The following PGAP4 variants were observed in gnomAD, a reference collection of about 807,000 sequenced individuals.
PGAP4 encodes post-GPI attachment to proteins GalNAc transferase 4, also known as GPI-N-acetylgalactosamine transferase PGAP4.
PGAP4 carries 12 observed loss-of-function variants against 28.2 expected under a neutral mutation model. The ratio of observed to expected loss-of-function variants is 0.42; its 90% CI spans 0.27 to 0.69. The LOEUF (loss-of-function observed/expected upper bound fraction) is 0.69, where lower values mean the gene tolerates loss of function less well. PGAP4 is among the 30% of genes least tolerant of loss of function. The pLI is 0.22. For synonymous variants in PGAP4, 205 were observed against 211.8 expected (o/e 0.97, Z 0.28); for missense variants, 425 against 513.5 (o/e 0.83, Z 1.67).
At position 101,475,909 on chromosome 9, in the gene PGAP4, C is replaced by G; in HGVS notation, c.1184G>C (p.Arg395Pro). The part of the protein sequence containing the change: ...VKHIGLFSSL[R>P]YNFHPSLL The stretch of plus-strand genomic sequence containing the variant: ...GAGGAGACTGGGATGAAAGTTGTAC[C>G]GGAGACTGGAGAAGAGCCCGATGTG... Residue 395 changes from arginine (R) to proline (P), a missense_variant, in exon 2 of 2, where the codon CGG becomes CCG. Arg to Pro is a moderately radical substitution (Grantham distance 103, BLOSUM62 -2). Transcript: ENST00000374848. 6.2e-7 allele frequency: 1 copy of G among 1,614,014 alleles called. No individual in the cohort carries two copies. The highest frequency in any genetic ancestry group is 8.5e-7 in the Non-Finnish European group (1 of 1,179,966).
At chr9:101,480,935 A>G (rs145261689) in intron 1 of PGAP4, among the ~76,000 whole-genome samples, 2,166 of 152,272 alleles carry the variant, frequency 0.014, 44 homozygotes, top group African/African-American at 0.048. Context: ...CCAGCACTTT[A>G]GGAGGCTGAG....
At chr9:101,525,192 G>A (rs1360822926) in intron 2 of PGAP4, among the ~76,000 whole-genome samples, 1 of 152,202 alleles carries the variant, frequency 6.6e-6, no homozygotes, top group African/African-American at 2.4e-5. Context: ...TCTCCAAACT[G>A]CTTTCTAAAG....
intron 2 of PGAP4, among the ~76,000 whole-genome samples, chr9:101,496,454 T>A: frequency 6.6e-6 from 1 of 151,576 alleles, no homozygotes; most frequent in East Asian, 1.9e-4. Flanking sequence ...TAAGAGCAAA[T>A]TAATATTTTA....
At chr9:101,493,121 GCAGGCGCTCGT>G (rs539497836) in intron 2 of PGAP4, among the ~76,000 whole-genome samples, 86 of 152,018 alleles carry the variant, frequency 5.7e-4, no homozygotes, top group African/African-American at 2.0e-3. Flanking sequence ...GGGTGTGGTG[GCAGGCGCTCGT>G]AGTCCCAGCT....
chr9:101,527,093 G>C (rs986218244), intron 2 of PGAP4, among the ~76,000 whole-genome samples: 1 of 152,218 alleles, frequency 6.6e-6, no homozygotes, highest in African/African-American at 2.4e-5. Flanking sequence ...GTTTCCTGAA[G>C]TTGTGACAGT....
In PGAP4 at chr9:101,475,968, C is replaced by T. The variant is rs765486727; in HGVS notation, c.1125G>A (p.Glu375=). The change falls in exon 2 of 2, where the codon GAG becomes GAA. Residue 375 remains glutamate, a synonymous_variant. Transcript: ENST00000374848. ...GGTTCGGCTCCACTACATAGGCCCT[C>T]TCTCCCTTGGCCCTCAACAGCGAGT... ...ALYSLLRAKG[E]RAYVVEPNLV... is the part of the protein sequence containing the mutation. 1.2e-6 allele frequency: 2 copies of T among 1,614,224 alleles called. No individual in the cohort carries two copies. The highest frequency in any genetic ancestry group is 1.7e-5 in the Admixed American group (1 of 60,030).
intron 2 of PGAP4, among the ~76,000 whole-genome samples, chr9:101,508,397 T>C (rs1038606021): frequency 6.6e-6 from 1 of 152,072 alleles, no homozygotes; most frequent in Non-Finnish European, 1.5e-5. Flanking sequence ...TGCAGGCACG[T>C]CAATAAAATA....
At chr9:101,487,755 G>GC (rs1238985952), upstream of PGAP4, among the ~76,000 whole-genome samples, 1 of 152,118 alleles carries the variant, frequency 6.6e-6, no homozygotes, top group Non-Finnish European at 1.5e-5. Context: ...AGCTAAGAAT[G>GC]TTTTTTGCAA....
intron 1 of PGAP4, among the ~76,000 whole-genome samples, chr9:101,479,451 A>G (rs1305640678): frequency 1.3e-5 from 2 of 152,252 alleles, no homozygotes; most frequent in African/African-American, 2.4e-5. Context: ...GGCACATAGT[A>G]AAGGCTATCA....
chr9:101,497,801 TA>T (rs1297158810), intron 2 of PGAP4, among the ~76,000 whole-genome samples: 1 of 151,710 alleles, frequency 6.6e-6, no homozygotes, highest in Non-Finnish European at 1.5e-5. Flanking sequence ...TAAAAATGTT[TA>T]AGGGAATTTG....
intron 2 of PGAP4, among the ~76,000 whole-genome samples, chr9:101,517,072 G>A (rs1826949981): frequency 6.6e-6 from 1 of 152,094 alleles, no homozygotes; most frequent in African/African-American, 2.4e-5. Flanking sequence ...AACCATTGCT[G>A]TTAGAGTCTG....
chr9:101,529,719 G>A (rs1827070352), intron 2 of PGAP4, among the ~76,000 whole-genome samples: 1 of 152,196 alleles, frequency 6.6e-6, no homozygotes, highest in African/African-American at 2.4e-5. Flanking sequence ...AAGGAGAAAG[G>A]TGTGGCGAGG....
intron 2 of PGAP4, among the ~76,000 whole-genome samples, chr9:101,523,665 A>G (rs1827008809): frequency 1.8e-5 from 1 of 56,142 alleles, no homozygotes; most frequent in Non-Finnish European, 3.2e-5. Flanking sequence ...ATTTCCTTGC[A>G]TTGGGCTTCG....
At chr9:101,485,308 A>C (rs1192222526) in intron 1 of PGAP4, among the ~76,000 whole-genome samples, 3 of 152,212 alleles carry the variant, frequency 2.0e-5, no homozygotes, top group Admixed American at 1.3e-4. Flanking sequence ...TACATACAGT[A>C]CAATGCACCA....
At chr9:101,529,694 AG>A (rs1430938166) in intron 2 of PGAP4, among the ~76,000 whole-genome samples, 3 of 152,292 alleles carry the variant, frequency 2.0e-5, no homozygotes, top group Admixed American at 6.5e-5. Context: ...AGAAGGAGGC[AG>A]GGGTATGGAA....
At chr9:101,521,866 C>T (rs1007302134) in intron 2 of PGAP4, among the ~76,000 whole-genome samples, 1 of 152,098 alleles carries the variant, frequency 6.6e-6, no homozygotes, top group Non-Finnish European at 1.5e-5. Flanking sequence ...GAAATTTCCC[C>T]TTACCATTGC....
At chr9:101,493,262 A>G (rs904888894) in intron 2 of PGAP4, among the ~76,000 whole-genome samples, 15 of 151,844 alleles carry the variant, frequency 9.9e-5, no homozygotes, top group Admixed American at 3.3e-4. Flanking sequence ...CAAAAAAAAA[A>G]AAAAAAATAG....
upstream of PGAP4, among the ~76,000 whole-genome samples, chr9:101,490,487 G>C (rs926068168): frequency 6.6e-6 from 1 of 152,186 alleles, no homozygotes; most frequent in Non-Finnish European, 1.5e-5. Flanking sequence ...ACTGCGCTCA[G>C]CCCAAACCTT....
chr9:101,503,451 C>A (rs1282139754), intron 2 of PGAP4, among the ~76,000 whole-genome samples: 1 of 151,856 alleles, frequency 6.6e-6, no homozygotes, highest in Non-Finnish European at 1.5e-5. Flanking sequence ...TTGTTTCATA[C>A]TCAGTTTGTT....
Sources: gnomAD v4.1 joint callset for allele counts (sites outside exome capture counted in the v4.1 genomes callset) on GRCh38, gnomAD v4.1.1 for gene constraint, MANE v1.5 for transcripts, NCBI Gene and HGNC (gene_info 2026-07-23, HGNC 2026-07-21) for gene names.